TANC2: variants seen among roughly 807,000 people sequenced by gnomAD.
TANC2 encodes the protein protein TANC2.
A neutral mutation model predicts 210.5 loss-of-function variants in TANC2; 26 were observed. That is an observed-to-expected ratio of 0.12 (90% confidence interval 0.09 to 0.17). The LOEUF (loss-of-function observed/expected upper bound fraction) is 0.17. Among genes scored for constraint, TANC2 ranks in the 10% least tolerant of loss-of-function variants. TANC2 has a pLI of 1.00. For missense variants in TANC2, 2,129 were observed against 2,608.9 expected (o/e 0.82, Z 4.01); for synonymous variants, 931 against 967.1 (o/e 0.96, Z 0.69).
chr17:63,138,830 A>C (rs1416292571), intron 4 of TANC2, among the ~76,000 whole-genome samples: 3 of 152,234 alleles, frequency 2.0e-5, no homozygotes, highest in Non-Finnish European at 2.9e-5. Context: ...CAGTAACTAC[A>C]GCTTTTCTGT....
At chr17:63,042,620 C>T (rs1030705173) in intron 2 of TANC2, among the ~76,000 whole-genome samples, 2 of 152,108 alleles carry the variant, frequency 1.3e-5, no homozygotes, top group African/African-American at 2.4e-5. Flanking sequence ...TACTCGATTA[C>T]AGCATGAAAA....
At chr17:63,110,829 T>C (rs2038011087) in intron 4 of TANC2, among the ~76,000 whole-genome samples, 2 of 152,240 alleles carry the variant, frequency 1.3e-5, no homozygotes, top group African/African-American at 2.4e-5. Context: ...TGGATTGTTC[T>C]GTCTCTTACT....
At chr17:63,145,930 G>GA (rs201029248) in intron 4 of TANC2, among the ~76,000 whole-genome samples, 6,414 of 150,886 alleles carry the variant, frequency 0.043, 214 homozygotes, top group Non-Finnish European at 0.069. Context: ...TATTTCTGGG[G>GA]AAAAAAAAAG....
intron 7 of TANC2, among the ~76,000 whole-genome samples, chr17:63,213,154 C>T (rs1287898381): frequency 6.6e-6 from 1 of 152,132 alleles, no homozygotes; most frequent in African/African-American, 2.4e-5. Flanking sequence ...TGTAATGTTT[C>T]AGTGTTTGGA....
intron 13 of TANC2, among the ~76,000 whole-genome samples, chr17:63,353,776 C>T (rs1262487831): frequency 6.6e-6 from 1 of 151,946 alleles, no homozygotes; most frequent in African/African-American, 2.4e-5. Context: ...GAAAGTGACT[C>T]CAAAAAAAGT....
At chr17:63,416,736 A>G (rs1043853556) in intron 26 of TANC2, among the ~76,000 whole-genome samples, 4 of 152,192 alleles carry the variant, frequency 2.6e-5, no homozygotes, top group African/African-American at 9.7e-5. Flanking sequence ...GCAGAGTTAA[A>G]CCTGACTGTC....
At chr17:63,098,484 A>ACACT (rs1360911153) in intron 3 of TANC2, among the ~76,000 whole-genome samples, 11 of 72,330 alleles carry the variant, frequency 1.5e-4, no homozygotes, top group African/African-American at 4.4e-4. Context: ...ACACACATAC[A>ACACT]CTCTCTCTCT....
At chr17:63,363,033 G>C (rs1328155334) in intron 14 of TANC2, among the ~76,000 whole-genome samples, 1 of 152,122 alleles carries the variant, frequency 6.6e-6, no homozygotes, top group Admixed American at 6.5e-5. Flanking sequence ...CTCAGCATTT[G>C]TTAATTGCCT....
intron 9 of TANC2, among the ~76,000 whole-genome samples, chr17:63,284,857 G>A (rs889538461): frequency 2.6e-5 from 4 of 151,984 alleles, no homozygotes; most frequent in African/African-American, 9.7e-5. Context: ...AATGGATTTT[G>A]TGGATTTCTG....
chr17:63,420,839 C>G lies in TANC2; in HGVS notation c.5109C>G (p.Ser1703Arg). The G allele has an allele frequency of 6.2e-7, 1 of 1,614,036 alleles. No individual in the cohort carries two copies. The highest frequency in any genetic ancestry group is 1.7e-5 in the Admixed American group (1 of 60,032). The change falls in exon 28 of 28, where the codon AGC (serine) becomes AGG (arginine). Residue 1703 changes from serine to arginine, a missense_variant. Ser to Arg is a moderately radical substitution (Grantham distance 110). This residue lies in a region of TANC2 where 584 missense variants were observed against 627.3 expected (regional missense o/e 0.93). Transcript: ENST00000689528. This position sits in a 1 kb window ranked among gnomAD's most constrained non-coding sequence, Gnocchi z 4.2. ...AGATTGTGAGAAGTAACCAGCCCAG[C>G]CCAGCCGTCCATTCAAGCACCGTCA...
chr17:63,355,368 A>C (rs1165266140), exon 14 of TANC2: 1 of 1,587,034 alleles, frequency 6.3e-7, no homozygotes, highest in East Asian at 2.2e-5. Flanking sequence ...AGGAGAGAAA[A>C]CCAAATTTCT....
chr17:63,409,968 T>C (rs1443225667), intron 21 of TANC2, among the ~76,000 whole-genome samples: 1 of 152,214 alleles, frequency 6.6e-6, no homozygotes, highest in Non-Finnish European at 1.5e-5. Context: ...AAATGTGAAA[T>C]CCAAAATGCT....
At chr17:63,295,476 A>G (rs2044507210) in intron 9 of TANC2, among the ~76,000 whole-genome samples, 1 of 152,206 alleles carries the variant, frequency 6.6e-6, no homozygotes, top group Non-Finnish European at 1.5e-5. Context: ...CCTCCTTTGA[A>G]ACAACATGTA....
intron 3 of TANC2, among the ~76,000 whole-genome samples, chr17:63,090,954 A>G (rs372326590): frequency 1.3e-5 from 2 of 152,062 alleles, no homozygotes; most frequent in African/African-American, 4.8e-5. Context: ...TTCTCTGATG[A>G]CCAGTGATGA....
At chr17:63,101,562 T>C (rs1267638912) in intron 4 of TANC2, among the ~76,000 whole-genome samples, 1 of 152,176 alleles carries the variant, frequency 6.6e-6, no homozygotes, top group East Asian at 1.9e-4. Context: ...ATTCAACAGA[T>C]ATTTGTCTAA....
chr17:62,993,559 TTC>T (rs1481568476), intron 1 of TANC2, among the ~76,000 whole-genome samples: 5 of 152,362 alleles, frequency 3.3e-5, no homozygotes, highest in African/African-American at 9.6e-5. Context: ...CAATTTTTTA[TTC>T]TTTTTGATGT....
At chr17:63,104,835 C>G (rs766229065) in intron 4 of TANC2, among the ~76,000 whole-genome samples, 15 of 148,014 alleles carry the variant, frequency 1.0e-4, no homozygotes, top group Non-Finnish European at 1.9e-4. Flanking sequence ...TGAACCCTGT[C>G]ATTTCCTGAC....
At chr17:63,129,754 A>G (rs994307037) in intron 4 of TANC2, among the ~76,000 whole-genome samples, 2 of 151,594 alleles carry the variant, frequency 1.3e-5, no homozygotes, top group African/African-American at 4.8e-5. Context: ...ACCACCTTAT[A>G]TTTTCTTTAT....
At chr17:63,060,380 G>A (rs1003275017) in intron 2 of TANC2, among the ~76,000 whole-genome samples, 5 of 152,220 alleles carry the variant, frequency 3.3e-5, no homozygotes, top group African/African-American at 1.2e-4. Context: ...CAGCACTTTG[G>A]GAGGCTGAGG....
Sources: allele counts gnomAD v4.1 joint callset (sites outside exome capture counted in the v4.1 genomes callset), GRCh38; gene constraint gnomAD v4.1.1; regional missense constraint gnomAD v4.1.1; non-coding constraint Gnocchi (gnomAD v3.1); transcripts MANE v1.5; gene names NCBI Gene and HGNC (gene_info 2026-07-23, HGNC 2026-07-21).